DTNA: variants seen among roughly 807,000 people sequenced by gnomAD.
DTNA encodes the protein dystrobrevin alpha, also known as dystrophin-related protein 3.
DTNA carries 43 observed loss-of-function variants against 100.7 expected under a neutral mutation model. The observed-to-expected ratio is 0.43, with a 90% CI of 0.33 to 0.55. DTNA has a LOEUF of 0.55. Ranked by LOEUF, DTNA falls within the 20% of genes least tolerant of loss-of-function variation. The probability of loss-of-function intolerance (pLI) is 0.04; values close to 1 mark genes in which losing one functional copy is unlikely to be tolerated. For synonymous variants in DTNA, 349 were observed against 347.9 expected (o/e 1.00, Z -0.04); for missense variants, 798 against 953.9 (o/e 0.84, Z 2.15).
intron 1 of DTNA, among the ~76,000 whole-genome samples, chr18:34,691,938 T>G (rs2079832945): frequency 6.6e-6 from 1 of 152,254 alleles, no homozygotes; most frequent in Non-Finnish European, 1.5e-5. Flanking sequence ...TATCTTTGAA[T>G]GCACATAGAC....
At chr18:34,599,343 TCTAAA>T (rs1264516583) in intron 1 of DTNA, among the ~76,000 whole-genome samples, 3 of 152,212 alleles carry the variant, frequency 2.0e-5, no homozygotes, top group African/African-American at 7.2e-5. Flanking sequence ...ATAAAAGAAC[TCTAAA>T]CTAGCTCTTG....
rs2096948372 is a variant in DTNA at position 34,889,137 on chromosome 18, A to T, written c.*1403A>T. On this transcript the variant is annotated 3_prime_UTR_variant, in exon 23 of 23. Transcript: ENST00000444659. ...ACTTGCTTCAAGATTTGATTTTTTTAAAAAAGCCTGCGACCTATTCAATAC... is the reference window on the plus strand; with the variant it reads ...ACTTGCTTCAAGATTTGATTTTTTTTAAAAAGCCTGCGACCTATTCAATAC... 14 of 911,962 alleles carry T rather than the reference A, an allele frequency of 1.5e-5. No homozygotes were observed. Among genetic ancestry groups the T allele is most frequent in the Non-Finnish European group, 1.7e-5 (14 of 804,678 alleles). 56.5% of individuals were successfully genotyped at this position (911,962 alleles called of 1,614,324 possible).
intron 3 of DTNA, among the ~76,000 whole-genome samples, chr18:34,792,541 C>A (rs1329797015): frequency 6.6e-6 from 1 of 152,132 alleles, no homozygotes; most frequent in East Asian, 1.9e-4. Context: ...AAATAGGGAG[C>A]TGTTAGTGAA....
intron 1 of DTNA, among the ~76,000 whole-genome samples, chr18:34,526,334 G>A (rs1375186198): frequency 2.6e-5 from 4 of 152,108 alleles, no homozygotes; most frequent in Non-Finnish European, 1.5e-5. Context: ...TTAGGAGTCA[G>A]TATCATCATT....
intron 1 of DTNA, among the ~76,000 whole-genome samples, chr18:34,746,912 C>T (rs994530374): frequency 6.6e-5 from 10 of 152,186 alleles, no homozygotes; most frequent in African/African-American, 2.4e-4. Flanking sequence ...TCAAATGAAA[C>T]CAAACGAAAC....
At chr18:34,885,710 A>G (rs1401986949) in intron 22 of DTNA, among the ~76,000 whole-genome samples, 2 of 152,244 alleles carry the variant, frequency 1.3e-5, no homozygotes, top group African/African-American at 4.8e-5. Flanking sequence ...AGAGCTTGGC[A>G]TAGTGGAAGG....
intron 1 of DTNA, among the ~76,000 whole-genome samples, chr18:34,640,368 A>T (rs1443612224): frequency 6.6e-6 from 1 of 152,166 alleles, no homozygotes; most frequent in Non-Finnish European, 1.5e-5. Context: ...TGGTCTGTAG[A>T]CAATTGTCCT....
chr18:34,787,614 C>G (rs1020956053), intron 3 of DTNA, among the ~76,000 whole-genome samples: 2 of 152,108 alleles, frequency 1.3e-5, no homozygotes. Flanking sequence ...ACTTTTCCTA[C>G]GGATGCTTGG....
At chr18:34,497,753 G>A (rs2039414087) in intron 1 of DTNA, among the ~76,000 whole-genome samples, 1 of 151,478 alleles carries the variant, frequency 6.6e-6, no homozygotes, top group South Asian at 2.1e-4. Context: ...TTTTATACGT[G>A]AAAAATATAC....
chr18:34,509,881 T>G (rs1343363174), intron 1 of DTNA, among the ~76,000 whole-genome samples: 1 of 152,108 alleles, frequency 6.6e-6, no homozygotes, highest in Non-Finnish European at 1.5e-5. Flanking sequence ...AGTTGTCCCA[T>G]GGTTATACAA....
chr18:34,790,247 A>G (rs2094658990), intron 3 of DTNA, among the ~76,000 whole-genome samples: 1 of 152,140 alleles, frequency 6.6e-6, no homozygotes, highest in African/African-American at 2.4e-5. Context: ...GCCACATGCA[A>G]CGCAGAATGG....
At chr18:34,866,036 G>T (rs540027829) in intron 17 of DTNA, 1 of 1,545,860 alleles carries the variant, frequency 6.5e-7, no homozygotes, top group Admixed American at 1.7e-5. Context: ...CCCATCTTGC[G>T]TTCCTTCACA....
chr18:34,812,817 C>T (rs1225107107), intron 6 of DTNA, among the ~76,000 whole-genome samples: 5 of 152,174 alleles, frequency 3.3e-5, no homozygotes, highest in African/African-American at 9.7e-5. Flanking sequence ...CACTCAGCCT[C>T]ATGTGAAATA....
intron 4 of DTNA, among the ~76,000 whole-genome samples, chr18:34,805,434 T>C (rs895978226): frequency 4.6e-5 from 7 of 152,168 alleles, no homozygotes; most frequent in Non-Finnish European, 1.0e-4. Context: ...AAGCGATTCT[T>C]ATGTCTCAGC....
intron 1 of DTNA, among the ~76,000 whole-genome samples, chr18:34,655,063 C>A (rs2074169905): frequency 6.6e-6 from 1 of 152,006 alleles, no homozygotes; most frequent in Admixed American, 6.6e-5. Context: ...TTAAGAAATT[C>A]TTTTACTAAC....
Position 34,769,725 on chromosome 18 carries a change from C to CTTTTTTTTTTTTTTTTTTTTT in DTNA, c.148+3699_148+3700insTTTTTTTTTTTTTTTTTTTTT, listed in dbSNP as rs61242937. 4.1e-4 allele frequency among the ~76,000 whole-genome samples: 22 copies of CTTTTTTTTTTTTTTTTTTTTT among 53,868 alleles called. 3 individuals carry two copies. The highest frequency in any genetic ancestry group is 2.0e-3 in the East Asian group (2 of 1,016). 35.3% of individuals were successfully genotyped at this position (53,868 alleles called of 152,430 possible). On this transcript the variant is annotated intron_variant, in intron 3 of 22. Coordinates refer to ENST00000444659, the MANE Select transcript of DTNA (RefSeq NM_001386795.1). The stretch of plus-strand genomic sequence containing the variant: ...GAAGAAGCAAGGCAGCCCTCTGGGG[C>CTTTTTTTTTTTTTTTTTTTTT]TTTTTTTTTTTTTTTGACAGAGTTT...
chr18:34,644,930 T>C (rs1367719157), intron 1 of DTNA, among the ~76,000 whole-genome samples: 5 of 152,168 alleles, frequency 3.3e-5, no homozygotes, highest in African/African-American at 1.2e-4. Flanking sequence ...ATACTAAGTA[T>C]TTGAATTTAT....
In DTNA at chr18:34,829,433, G is replaced by A; in HGVS notation, c.1119G>A (p.Val373=). 1 of 1,534,816 alleles carries A rather than the reference G, an allele frequency of 6.5e-7. No homozygotes were observed. Among genetic ancestry groups the A allele is most frequent in the Non-Finnish European group, 8.7e-7 (1 of 1,146,306 alleles). ...AGGGAATAAGTGCATCCAGCCCTGT[G>A]GCTGAAGAGCATTCCCTCATAAAGC... ...LPEGISASSP[V]AEEHSLIKLY... The change falls in exon 11 of 23, where the codon GTG becomes GTA. Residue 373 remains valine (V), a synonymous_variant. Transcript: ENST00000444659.
At chr18:34,745,115 T>A (rs1217912361) in intron 1 of DTNA, among the ~76,000 whole-genome samples, 2 of 152,100 alleles carry the variant, frequency 1.3e-5, no homozygotes, top group Admixed American at 6.5e-5. Flanking sequence ...TTAAGTAGTG[T>A]CGTGGCTATT....
Sources: allele counts gnomAD v4.1 joint callset (sites outside exome capture counted in the v4.1 genomes callset), GRCh38; gene constraint gnomAD v4.1.1; transcripts MANE v1.5; gene names NCBI Gene and HGNC (gene_info 2026-07-23, HGNC 2026-07-21).